Variants in NAALADL2 observed in about 807,000 individuals in gnomAD.
The protein encoded by NAALADL2 is inactive N-acetylated-alpha-linked acidic dipeptidase-like protein 2.
A neutral mutation model predicts 87.2 loss-of-function variants in NAALADL2; 76 were observed. The ratio of observed to expected loss-of-function variants is 0.87; its 90% CI spans 0.72 to 1.05. NAALADL2 has a LOEUF of 1.05. Ranked by LOEUF, NAALADL2 falls within the 50% of genes least tolerant of loss-of-function variation. The pLI is 0.00. For missense variants in NAALADL2, 1,089 were observed against 945.8 expected, an observed-to-expected ratio of 1.15 and a Z score of -1.99; for synonymous variants, 354 against 331.0, an observed-to-expected ratio of 1.07 and a Z score of -0.75.
intron 5 of NAALADL2, among the ~76,000 whole-genome samples, chr3:175,423,950 T>A (rs1361184218): frequency 2.0e-5 from 3 of 152,206 alleles, no homozygotes; most frequent in South Asian, 2.1e-4. Flanking sequence ...TTTTTAATGA[T>A]AGCCTTTCTA....
Position 174,619,230 on chromosome 3 carries a change from T to A in NAALADL2, c.-115+68593T>A, listed in dbSNP as rs115250430. On this transcript the variant is annotated intron_variant, in intron 2 of 3. Coordinates refer to the NAALADL2 transcript ENST00000434257. ...TAAATTTAAAAATCTATTTTCCCTT[T>A]AAATGGTCTGAGCAGGGTTTTCATT... Among the ~76,000 whole-genome samples, 866 of 152,110 alleles carry A rather than the reference T, an allele frequency of 5.7e-3. 8 individuals carry two copies. The highest frequency in any genetic ancestry group is 0.02 in the African/African-American group (832 of 41,564).
At chr3:175,067,910 A>T (rs1714844243) in intron 1 of NAALADL2, among the ~76,000 whole-genome samples, 2 of 152,124 alleles carry the variant, frequency 1.3e-5, no homozygotes, top group Admixed American at 1.3e-4. Flanking sequence ...AATGCAGCTA[A>T]AAAAAGAATG....
In NAALADL2 at chr3:175,489,168, A is replaced by G. The variant is rs572885721; in HGVS notation, c.1653+17410A>G. On this transcript the variant is annotated intron_variant, in intron 9 of 13. Coordinates refer to ENST00000454872, the MANE Select transcript of NAALADL2 (RefSeq NM_207015.3). ...ATAAAAAGATATTACACAAATATTTAGAAAAATATATTAAAGGAATATTTT... is the reference window on the plus strand; with the variant it reads ...ATAAAAAGATATTACACAAATATTTGGAAAAATATATTAAAGGAATATTTT... 2.0e-5 allele frequency among the ~76,000 whole-genome samples: 3 copies of G among 152,366 alleles called. No homozygotes were observed. The South Asian group carries it at 6.2e-4, about 32-fold the overall frequency.
intron 1 of NAALADL2, among the ~76,000 whole-genome samples, chr3:174,510,476 A>AT (rs930429709): frequency 2.0e-5 from 3 of 151,700 alleles, no homozygotes; most frequent in Admixed American, 6.6e-5. Context: ...TCTTTCAAGG[A>AT]TTTTTTTTGT....
chr3:175,041,533 T>A (rs1754074643), intron 1 of NAALADL2, among the ~76,000 whole-genome samples: 1 of 152,168 alleles, frequency 6.6e-6, no homozygotes, highest in African/African-American at 2.4e-5. Context: ...CTTAGTAATC[T>A]TCTGCTCATG....
chr3:174,876,834 C>G (rs1398913161), intron 1 of NAALADL2, among the ~76,000 whole-genome samples: 2 of 152,026 alleles, frequency 1.3e-5, no homozygotes, highest in African/African-American at 2.4e-5. Flanking sequence ...AAACAAAATA[C>G]CATAGATTAG....
At chr3:175,206,022 A>G (rs1740785753) in intron 2 of NAALADL2, among the ~76,000 whole-genome samples, 1 of 151,846 alleles carries the variant, frequency 6.6e-6, no homozygotes, top group African/African-American at 2.4e-5. Flanking sequence ...TACACCCACT[A>G]TGGAAAACAG....
chr3:174,805,676 C>T lies in NAALADL2; in HGVS notation c.-9+67930C>T, dbSNP rs564861499. 3.9e-5 allele frequency among the ~76,000 whole-genome samples: 6 copies of T among 152,182 alleles called. No individual in the cohort carries two copies. In the East Asian group the frequency reaches 7.7e-4, roughly 20 times the overall value. ...AGGAATTTTGTTACAAAAGCATAAT[C>T]AACTTGCAATAAAATAGAGACTACT... On this transcript the variant is annotated intron_variant, in intron 3 of 3. Coordinates refer to the NAALADL2 transcript ENST00000434257.
At position 175,675,055 on chromosome 3, in the gene NAALADL2, C is replaced by T. The variant is rs564321702; in HGVS notation, c.1896+47669C>T. On this transcript the variant is annotated intron_variant, in intron 11 of 13. Coordinates refer to ENST00000454872, the MANE Select transcript of NAALADL2 (RefSeq NM_207015.3). ...AAAGGGCAATTATAAAAAACAGATA[C>T]CTACATATACTGTAATACTAAGGTT... 2.6e-5 allele frequency: 4 copies of T among 152,212 alleles called. No homozygotes were observed. In the South Asian group the frequency reaches 8.3e-4, roughly 32 times the overall value. The allele number at this position is 152,212 out of a possible 1,614,324, so 9.4% of individuals were successfully genotyped here. A position where few individuals can be genotyped will look rare whatever the true frequency, so the allele number is the denominator to read the frequency against.
intron 2 of NAALADL2, among the ~76,000 whole-genome samples, chr3:174,566,301 A>C (rs1452939697): frequency 6.6e-6 from 1 of 151,900 alleles, no homozygotes; most frequent in African/African-American, 2.4e-5. Flanking sequence ...CAGTTTATTC[A>C]GACACAATTT....
chr3:174,535,482 A>C lies in NAALADL2; in HGVS notation c.-183-15087A>C, dbSNP rs576933763. 6.6e-5 allele frequency among the ~76,000 whole-genome samples: 10 copies of C among 152,262 alleles called. No individual in the cohort carries two copies. In the South Asian group the frequency reaches 2.1e-3, roughly 32 times the overall value. On this transcript the variant is annotated intron_variant, in intron 1 of 3. Coordinates refer to the NAALADL2 transcript ENST00000434257. ...GTAATTTTGTTATTGTATTTGAGAA[A>C]TATCATTTGTTTTGGCTAAAGCAAA...
At chr3:175,692,174 C>G (rs1384830190) in intron 11 of NAALADL2, among the ~76,000 whole-genome samples, 1 of 152,008 alleles carries the variant, frequency 6.6e-6, no homozygotes, top group African/African-American at 2.4e-5. Flanking sequence ...CTGGGACTTA[C>G]CTATGTTCAT....
intron 1 of NAALADL2, among the ~76,000 whole-genome samples, chr3:174,890,912 T>G (rs1260844217): frequency 2.0e-5 from 3 of 152,146 alleles, no homozygotes; most frequent in African/African-American, 7.2e-5. Flanking sequence ...TTCTGGCCAT[T>G]ACTTAATTGC....
At chr3:174,586,806 A>G (rs1289757076) in intron 2 of NAALADL2, among the ~76,000 whole-genome samples, 1 of 152,076 alleles carries the variant, frequency 6.6e-6, no homozygotes, top group Non-Finnish European at 1.5e-5. Flanking sequence ...TGCATCTACT[A>G]TATAAAAAGG....
intron 1 of NAALADL2, among the ~76,000 whole-genome samples, chr3:174,526,242 C>T (rs1469594569): frequency 2.0e-5 from 3 of 152,132 alleles, no homozygotes; most frequent in Non-Finnish European, 2.9e-5. Flanking sequence ...TAGTGTAGGG[C>T]ATACTGGCAA....
chr3:174,990,898 C>A (rs9868551), intron 1 of NAALADL2, among the ~76,000 whole-genome samples: 3,455 of 152,180 alleles, frequency 0.023, 133 homozygotes, highest in African/African-American at 0.08. Flanking sequence ...AAGTGAAAGG[C>A]ACTCCCCTAG....
At chr3:175,034,592 G>C (rs1211939981) in intron 1 of NAALADL2, among the ~76,000 whole-genome samples, 2 of 152,048 alleles carry the variant, frequency 1.3e-5, no homozygotes, top group East Asian at 3.9e-4. Context: ...ATTTGACTAT[G>C]TTTTATTTTT....
At position 175,233,340 on chromosome 3, in the gene NAALADL2, T is replaced by C. The variant is rs538798337; in HGVS notation, c.546-591T>C. Among the ~76,000 whole-genome samples, 29 of 152,350 alleles carry C rather than the reference T, an allele frequency of 1.9e-4. No individual in the cohort carries two copies. The South Asian group carries it at 5.8e-3, about 30-fold the overall frequency. ...TTTAAGTGTATTATGTTGATGTTGATAGAAGGATCAGAACTAATAGAAGAT... is the reference window on the plus strand; with the variant it reads ...TTTAAGTGTATTATGTTGATGTTGACAGAAGGATCAGAACTAATAGAAGAT... On this transcript the variant is annotated intron_variant, in intron 2 of 13. Coordinates refer to ENST00000454872, the MANE Select transcript of NAALADL2 (RefSeq NM_207015.3).
At chr3:175,370,700 A>G (rs1205309691) in intron 5 of NAALADL2, among the ~76,000 whole-genome samples, 2 of 152,218 alleles carry the variant, frequency 1.3e-5, no homozygotes, top group Non-Finnish European at 2.9e-5. Context: ...ATGATATGCC[A>G]AACATGCTTC....
Sources: allele counts gnomAD v4.1 joint callset (sites outside exome capture counted in the v4.1 genomes callset), GRCh38; gene constraint gnomAD v4.1.1; transcripts MANE v1.5; gene names NCBI Gene and HGNC (gene_info 2026-07-23, HGNC 2026-07-21).